Variants in HDAC4 observed in about 807,000 individuals in gnomAD.
HDAC4 encodes histone deacetylase A.
HDAC4 carries 16 observed loss-of-function variants against 135.1 expected under a neutral mutation model. The ratio of observed to expected loss-of-function variants is 0.12; its 90% CI spans 0.08 to 0.18. HDAC4 has a LOEUF of 0.18. HDAC4 is among the 10% of genes least tolerant of loss of function. The pLI is 1.00. For missense variants in HDAC4, 1,143 were observed against 1,511.8 expected, an observed-to-expected ratio of 0.76 and a Z score of 4.05; for synonymous variants, 685 against 653.4, an observed-to-expected ratio of 1.05 and a Z score of -0.74.
intron 2 of HDAC4, among the ~76,000 whole-genome samples, chr2:239,290,047 G>A (rs542388954): frequency 5.9e-5 from 9 of 151,982 alleles, no homozygotes; most frequent in African/African-American, 9.7e-5. Flanking sequence ...ATCCAATTAC[G>A]GCAAATAAAA....
intron 2 of HDAC4, among the ~76,000 whole-genome samples, chr2:239,325,290 T>C (rs2053436694): frequency 6.6e-6 from 1 of 151,948 alleles, no homozygotes; most frequent in Non-Finnish European, 1.5e-5. Flanking sequence ...ATCCAGAGAG[T>C]GAAATGACAA....
intron 2 of HDAC4, among the ~76,000 whole-genome samples, chr2:239,305,752 G>A (rs914614832): frequency 6.6e-5 from 10 of 152,274 alleles, no homozygotes; most frequent in African/African-American, 2.2e-4. Context: ...TGATGGCCAC[G>A]AAACGTGTAT....
chr2:239,201,955 A>G (rs904366927), intron 3 of HDAC4, among the ~76,000 whole-genome samples: 4 of 152,222 alleles, frequency 2.6e-5, no homozygotes, highest in Admixed American at 6.5e-5. Flanking sequence ...ATAATAAGGT[A>G]TGAACTCAGC....
At chr2:239,397,383 G>C (rs1228670965) in intron 1 of HDAC4, among the ~76,000 whole-genome samples, 1 of 152,206 alleles carries the variant, frequency 6.6e-6, no homozygotes, top group Non-Finnish European at 1.5e-5. Flanking sequence ...TCTGGCGTCA[G>C]CTACGGGAGC....
At chr2:239,337,824 T>G (rs922736538) in intron 2 of HDAC4, among the ~76,000 whole-genome samples, 1 of 152,146 alleles carries the variant, frequency 6.6e-6, no homozygotes, top group Non-Finnish European at 1.5e-5. Flanking sequence ...GACTGGGCCC[T>G]GGCAGAATAA....
intron 3 of HDAC4, among the ~76,000 whole-genome samples, chr2:239,222,257 G>C (rs564425302): frequency 1.3e-5 from 2 of 152,280 alleles, no homozygotes; most frequent in East Asian, 3.9e-4. Context: ...CCATCTGTGT[G>C]CTTCTGTTCC....
chr2:239,274,753 C>T (rs1237930706), intron 2 of HDAC4, among the ~76,000 whole-genome samples: 1 of 152,140 alleles, frequency 6.6e-6, no homozygotes, highest in Non-Finnish European at 1.5e-5. Flanking sequence ...CAAGCCTCAT[C>T]CCCAAAGCTG....
chr2:239,162,759 G>A (rs2042890477), intron 6 of HDAC4, among the ~76,000 whole-genome samples: 1 of 152,212 alleles, frequency 6.6e-6, no homozygotes, highest in South Asian at 2.1e-4. Context: ...CCAGAGTGGA[G>A]GACGTGGGCC....
rs1238966350 is a variant in HDAC4 at position 239,053,365 on chromosome 2, G to GGCATGTGCCAT, written c.3230+84_3230+94dup. On this transcript the variant is annotated intron_variant, in intron 26 of 26. Transcript: ENST00000543185. ...GGCCTGTCTCTAGTCTGTTGGGCAG[G>GGCATGTGCCAT]GCATGTGCCATAAAGGTTCTGACCC... The GGCATGTGCCAT allele has an allele frequency of 2.7e-6, 4 of 1,505,338 alleles. No homozygotes were observed. The African/African-American group carries it at 5.5e-5, about 21-fold the overall frequency. 93.2% of individuals were successfully genotyped at this position (1,505,338 alleles called of 1,614,324 possible).
intron 5 of HDAC4, among the ~76,000 whole-genome samples, chr2:239,169,751 C>T (rs2043336716): frequency 6.6e-6 from 1 of 152,170 alleles, no homozygotes; most frequent in Admixed American, 6.5e-5. Context: ...GTGTGCAGCC[C>T]TGTCTGCAGG....
At chr2:239,078,034 C>A (rs1055165685) in intron 22 of HDAC4, among the ~76,000 whole-genome samples, 1 of 152,146 alleles carries the variant, frequency 6.6e-6, no homozygotes, top group African/African-American at 2.4e-5. Flanking sequence ...AGCTACGAAC[C>A]ACGGGCATCT....
intron 1 of HDAC4, among the ~76,000 whole-genome samples, chr2:239,383,877 C>A (rs1474779308): frequency 6.6e-6 from 1 of 152,244 alleles, no homozygotes; most frequent in African/African-American, 2.4e-5. Flanking sequence ...CAGAGTCCCC[C>A]AGACAGCATC....
intron 2 of HDAC4, among the ~76,000 whole-genome samples, chr2:239,317,427 A>G (rs1209390978): frequency 6.6e-6 from 1 of 151,892 alleles, no homozygotes; most frequent in Non-Finnish European, 1.5e-5. Flanking sequence ...CCTTGAGAAA[A>G]AGCTGATTCC....
chr2:239,328,762 G>A (rs975145189), intron 2 of HDAC4, among the ~76,000 whole-genome samples: 4 of 152,184 alleles, frequency 2.6e-5, no homozygotes, highest in Non-Finnish European at 4.4e-5. Context: ...TCGGGCGCCC[G>A]CTGGCCCTCT....
intron 17 of HDAC4, among the ~76,000 whole-genome samples, chr2:239,093,150 G>A (rs933789902): frequency 6.6e-6 from 1 of 152,228 alleles, no homozygotes; most frequent in African/African-American, 2.4e-5. Flanking sequence ...CACTGGAGAG[G>A]AGCAACGCAG....
At chr2:239,229,314 T>C (rs762924787) in intron 3 of HDAC4, among the ~76,000 whole-genome samples, 27 of 152,160 alleles carry the variant, frequency 1.8e-4, no homozygotes, top group South Asian at 4.2e-4. Context: ...TCTAAAGCCA[T>C]GTGGGGGGCA....
At position 239,051,918 on chromosome 2, in the gene HDAC4, A is replaced by T. The variant is rs1328100654; in HGVS notation, c.*1179T>A. The T allele has an allele frequency of 3.3e-5, 5 of 151,410 alleles. No individual in the cohort carries two copies. Among genetic ancestry groups the T allele is most frequent in the Non-Finnish European group, 7.4e-5 (5 of 67,914 alleles). 9.4% of individuals were successfully genotyped at this position (151,410 alleles called of 1,614,324 possible). ...TATCAAGATTTCATAAGAATCAAGT[A>T]AGTTTCTTAGCTTGGAATACATTGG... On this transcript the variant is annotated 3_prime_UTR_variant, in exon 27 of 27. Coordinates refer to ENST00000543185, the MANE Select transcript of HDAC4 (RefSeq NM_001378414.1).
chr2:239,178,012 C>T (rs1203643027), intron 4 of HDAC4, among the ~76,000 whole-genome samples: 1 of 152,188 alleles, frequency 6.6e-6, no homozygotes, highest in African/African-American at 2.4e-5. Flanking sequence ...CCAGGGCTCC[C>T]GCACGTCCTT....
chr2:239,049,465 ATATATATTTATATC>A lies in HDAC4; in HGVS notation c.*3618_*3631del, dbSNP rs1273116688. On this transcript the variant is annotated 3_prime_UTR_variant, in exon 27 of 27. Transcript: ENST00000543185. ...GTAGGAAACTTAAAAAAATATATTC[ATATATATTTATATC>A]TATATATTTATATATGTATCAATGC... 6.6e-6 allele frequency: 1 copy of A among 151,526 alleles called. No individual in the cohort carries two copies. Among genetic ancestry groups the A allele is most frequent in the East Asian group, 1.9e-4 (1 of 5,194 alleles). The allele number at this position is 151,526 out of a possible 1,614,324, so 9.4% of individuals were successfully genotyped here.
Sources: gnomAD v4.1 joint callset for allele counts (sites outside exome capture counted in the v4.1 genomes callset) on GRCh38, gnomAD v4.1.1 for gene constraint, MANE v1.5 for transcripts, NCBI Gene and HGNC (gene_info 2026-07-23, HGNC 2026-07-21) for gene names.